TMEM132B: variants seen among roughly 807,000 people sequenced by gnomAD.
TMEM132B encodes transmembrane protein 132B.
In TMEM132B, 18 loss-of-function variants were observed where a neutral mutation model predicts 90.8. The observed-to-expected ratio is 0.20, with a 90% CI of 0.14 to 0.29. The LOEUF (loss-of-function observed/expected upper bound fraction) is 0.29, where lower values mean the gene tolerates loss of function less well. TMEM132B is among the 10% of genes least tolerant of loss of function. The pLI is 1.00. For synonymous variants in TMEM132B, 504 were observed against 523.3 expected, an observed-to-expected ratio of 0.96 and a Z score of 0.50; for missense variants, 1,096 against 1,326.8, an observed-to-expected ratio of 0.83 and a Z score of 2.70.
intron 1 of TMEM132B, among the ~76,000 whole-genome samples, chr12:125,267,768 T>G (rs1874730111): frequency 6.6e-6 from 1 of 152,338 alleles, no homozygotes; most frequent in Non-Finnish European, 1.5e-5. Flanking sequence ...GAATATCAAC[T>G]TAGAGTTAAC....
chr12:125,488,587 G>GT (rs1252512180), intron 3 of TMEM132B, among the ~76,000 whole-genome samples: 1 of 152,182 alleles, frequency 6.6e-6, no homozygotes, highest in African/African-American at 2.4e-5. Flanking sequence ...TGCCATCCAT[G>GT]TAAGACATGA....
At chr12:125,355,689 C>T (rs1877742943) in intron 2 of TMEM132B, among the ~76,000 whole-genome samples, 1 of 152,168 alleles carries the variant, frequency 6.6e-6, no homozygotes, top group African/African-American at 2.4e-5. Context: ...TTAATCATGT[C>T]TCTTATGAAT....
rs1258727584 is a variant in TMEM132B, at chr12:125,657,231, C to T, written c.*2521C>T. The stretch of plus-strand genomic sequence containing the variant: ...GCCTTTGCTCCTCTGTGTTAAAACC[C>T]AGTCAGTTCAAAATAACAATCAAAT... On this transcript the variant is annotated 3_prime_UTR_variant, in exon 9 of 9. Transcript: ENST00000682704. 6.6e-6 allele frequency: 1 copy of T among 152,128 alleles called. No individual in the cohort carries two copies. Among genetic ancestry groups the T allele is most frequent in the Non-Finnish European group, 1.5e-5 (1 of 68,052 alleles). The allele number at this position is 152,128 out of a possible 1,614,324, so 9.4% of individuals were successfully genotyped here.
Position 125,546,564 on chromosome 12 carries a change from T to C in TMEM132B, c.1293+26939T>C, listed in dbSNP as rs1432310957. 3.3e-5 allele frequency among the ~76,000 whole-genome samples: 5 copies of C among 152,334 alleles called. No individual in the cohort carries two copies. The South Asian group carries it at 8.3e-4, about 25-fold the overall frequency. On this transcript the variant is annotated intron_variant, in intron 4 of 8. Coordinates refer to ENST00000682704, the MANE Select transcript of TMEM132B (RefSeq NM_001366854.1). ...GAATCATATTGTATGTAATTTTTGGTCTGGCTTCTTTCACTTAACGATGCT... is the reference window on the plus strand; with the variant it reads ...GAATCATATTGTATGTAATTTTTGGCCTGGCTTCTTTCACTTAACGATGCT...
At chr12:125,285,867 T>C (rs1565993033) in intron 1 of TMEM132B, among the ~76,000 whole-genome samples, 1 of 151,988 alleles carries the variant, frequency 6.6e-6, no homozygotes, top group Non-Finnish European at 1.5e-5. Context: ...CCTGGGGTGG[T>C]GGGGGGCATC....
At chr12:125,310,363 A>G (rs1355365214) in intron 1 of TMEM132B, among the ~76,000 whole-genome samples, 1 of 152,176 alleles carries the variant, frequency 6.6e-6, no homozygotes, top group Admixed American at 6.5e-5. Flanking sequence ...GCTGGGAATT[A>G]TAGCAGGATT....
In TMEM132B at chr12:125,653,969, C is replaced by T; in HGVS notation, c.2511C>T (p.Phe837=). 1 of 1,614,126 alleles carries T rather than the reference C, an allele frequency of 6.2e-7. No homozygotes were observed. Among genetic ancestry groups the T allele is most frequent in the Non-Finnish European group, 8.5e-7 (1 of 1,180,024 alleles). The change falls in exon 9 of 9, where the codon TTC becomes TTT. Residue 837 remains phenylalanine (F), a synonymous_variant. Coordinates refer to ENST00000682704, the MANE Select transcript of TMEM132B (RefSeq NM_001366854.1). ...GNQERAVQEW[F]HRGTPVGQEE... ...AGGAGAGAGCAGTCCAGGAATGGTT[C>T]CACCGTGGCACACCTGTTGGCCAAG... is the stretch of plus-strand genomic sequence containing the variant.
At position 125,401,173 on chromosome 12, in the gene TMEM132B, G is replaced by T. The variant is rs527552432; in HGVS notation, c.960-14358G>T. Among the ~76,000 whole-genome samples, 332 of 152,230 alleles carry T rather than the reference G, an allele frequency of 2.2e-3. 1 individual carries two copies. Among genetic ancestry groups the T allele is most frequent in the African/African-American group, 7.4e-3 (309 of 41,546 alleles). On this transcript the variant is annotated intron_variant, in intron 2 of 8. Transcript: ENST00000682704. ...CTTCAGCCCTTGAAGTCTCATATTC[G>T]TGGGACATCCAGAGACGGATGACAC...
rs899456116 is a variant in TMEM132B at position 125,604,894 on chromosome 12, G to A, written c.1437+20900G>A. Among the ~76,000 whole-genome samples, 14 of 152,308 alleles carry A rather than the reference G, an allele frequency of 9.2e-5. 1 individual carries two copies. Among genetic ancestry groups the A allele is most frequent in the African/African-American group, 3.4e-4 (14 of 41,564 alleles). The stretch of plus-strand genomic sequence containing the variant: ...TAGGCATGTAGCCAGGTTCCATGAG[G>A]GAGATTCTATGACAGACAACCAGAG... On this transcript the variant is annotated intron_variant, in intron 5 of 8. Transcript: ENST00000682704.
At chr12:125,216,665 G>C (rs1239998125) in intron 1 of TMEM132B, among the ~76,000 whole-genome samples, 1 of 152,206 alleles carries the variant, frequency 6.6e-6, no homozygotes, top group Non-Finnish European at 1.5e-5. Context: ...GGATGTTAAA[G>C]GATGTTCAAG....
At chr12:125,636,090 A>G (rs1886472397) in intron 5 of TMEM132B, among the ~76,000 whole-genome samples, 1 of 152,138 alleles carries the variant, frequency 6.6e-6, no homozygotes, top group South Asian at 2.1e-4. Context: ...TTTCAGTGAT[A>G]TTAAGTTAAA....
chr12:125,515,419 TCA>T (rs1187361321), intron 3 of TMEM132B, among the ~76,000 whole-genome samples: 112 of 124,118 alleles, frequency 9.0e-4, no homozygotes, highest in East Asian at 4.0e-4. Context: ...AAACATTTGC[TCA>T]CACACTCTCA....
chr12:125,389,141 G>A (rs1236416381), intron 2 of TMEM132B, among the ~76,000 whole-genome samples: 2 of 152,054 alleles, frequency 1.3e-5, no homozygotes, highest in East Asian at 3.9e-4. Context: ...TCCTCAGGAA[G>A]CTTGTATTCT....
chr12:125,490,282 C>T lies in TMEM132B; in HGVS notation c.1107-29157C>T, dbSNP rs1342717102. On this transcript the variant is annotated intron_variant, in intron 3 of 8. Transcript: ENST00000682704. The surrounding 1 kb of genome is among the most constrained non-coding windows in gnomAD (Gnocchi z 4.2). ...TCATTTACAGATGAGGAAACTGAAGCGTGAAGAGACTAAACCCAAGGTAAC... is the reference window on the plus strand; with the variant it reads ...TCATTTACAGATGAGGAAACTGAAGTGTGAAGAGACTAAACCCAAGGTAAC... 1.3e-5 allele frequency among the ~76,000 whole-genome samples: 2 copies of T among 151,970 alleles called. No individual in the cohort carries two copies. Among genetic ancestry groups the T allele is most frequent in the African/African-American group, 2.4e-5 (1 of 41,362 alleles).
rs73424764 is a variant in TMEM132B at position 125,381,500 on chromosome 12, C to T, written c.959+31157C>T. 2.1e-3 allele frequency among the ~76,000 whole-genome samples: 322 copies of T among 152,300 alleles called. 1 individual carries two copies. Among genetic ancestry groups the T allele is most frequent in the African/African-American group, 7.2e-3 (299 of 41,560 alleles). Reference sequence around the variant, plus strand: ...AAGAGTTTATCTATTGGCCTCCCTTCCCAATTGGTTGAAGGTTGATCTGGG... The same window carrying T: ...AAGAGTTTATCTATTGGCCTCCCTTTCCAATTGGTTGAAGGTTGATCTGGG... On this transcript the variant is annotated intron_variant, in intron 2 of 8. Coordinates refer to ENST00000682704, the MANE Select transcript of TMEM132B (RefSeq NM_001366854.1).
intron 3 of TMEM132B, among the ~76,000 whole-genome samples, chr12:125,452,546 G>A (rs1881182897): frequency 6.6e-6 from 1 of 152,180 alleles, no homozygotes; most frequent in Admixed American, 6.5e-5. Context: ...AATGGTAGTG[G>A]AGCAGCCACA....
intron 3 of TMEM132B, among the ~76,000 whole-genome samples, chr12:125,418,631 A>G (rs11058163): frequency 0.063 from 9,545 of 152,296 alleles, 349 homozygotes; most frequent in South Asian, 0.072. Context: ...ACCCTGCAAA[A>G]TGCTGTAATC....
intron 4 of TMEM132B, among the ~76,000 whole-genome samples, chr12:125,538,097 TCA>T (rs1883859380): frequency 6.6e-6 from 1 of 152,210 alleles, no homozygotes; most frequent in African/African-American, 2.4e-5. Flanking sequence ...AGCTGAAAGC[TCA>T]CAGAGTGCAT....
chr12:125,531,636 A>C (rs978577502), intron 4 of TMEM132B, among the ~76,000 whole-genome samples: 1 of 152,188 alleles, frequency 6.6e-6, no homozygotes, highest in African/African-American at 2.4e-5. Flanking sequence ...GAATAGACTG[A>C]AGGTTTCTGT....
Sources: allele counts gnomAD v4.1 joint callset (sites outside exome capture counted in the v4.1 genomes callset), GRCh38; gene constraint gnomAD v4.1.1; non-coding constraint Gnocchi (gnomAD v3.1); transcripts MANE v1.5; gene names NCBI Gene and HGNC (gene_info 2026-07-23, HGNC 2026-07-21).